The following SRL variants were observed in gnomAD, a reference collection of about 807,000 sequenced individuals.
SRL encodes the protein sarcalumenin.
Under a neutral mutation model 39.5 loss-of-function variants are expected in SRL, and 23 were observed. The observed-to-expected ratio is 0.58, with a 90% CI of 0.42 to 0.82. The LOEUF is 0.82. SRL is among the 40% of genes least tolerant of loss of function. The pLI, the probability that SRL is intolerant of heterozygous loss-of-function variation, is 0.00. For synonymous variants in SRL, 272 were observed against 237.4 expected, an observed-to-expected ratio of 1.15 and a Z score of -1.34; for missense variants, 592 against 607.8, an observed-to-expected ratio of 0.97 and a Z score of 0.27.
chr16:4,218,325 G>A (rs563942233), intron 1 of SRL, among the ~76,000 whole-genome samples: 1 of 152,314 alleles, frequency 6.6e-6, no homozygotes, highest in South Asian at 2.1e-4. Context: ...CCTTTCCGAA[G>A]GCAGAGGACC....
intron 1 of SRL, among the ~76,000 whole-genome samples, chr16:4,240,725 C>G (rs955847957): frequency 6.6e-6 from 1 of 152,178 alleles, no homozygotes; most frequent in Non-Finnish European, 1.5e-5. Context: ...CAGTGTGTAG[C>G]AGCCCAGCAG....
At chr16:4,239,990 A>G (rs1462705142) in intron 1 of SRL, among the ~76,000 whole-genome samples, 1 of 152,148 alleles carries the variant, frequency 6.6e-6, no homozygotes, top group African/African-American at 2.4e-5. Context: ...GGCACGGGCG[A>G]CGGGTGGTTG....
rs367893360 is a variant in SRL, at chr16:4,203,663, A to G, written c.164-402T>C. Among the ~76,000 whole-genome samples, 18 of 152,150 alleles carry G rather than the reference A, an allele frequency of 1.2e-4. No individual in the cohort carries two copies. In the South Asian group the frequency reaches 1.7e-3, roughly 14 times the overall value. ...CAGCCTCCCAAAGTGCTGGAATTAC[A>G]GACATAAGCCACTGTGCCCGGCCTG... On this transcript the variant is annotated intron_variant, in intron 2 of 5. Transcript: ENST00000399609.
intron 1 of SRL, among the ~76,000 whole-genome samples, chr16:4,208,755 G>GCC (rs151302296): frequency 6.6e-6 from 1 of 152,022 alleles, no homozygotes; most frequent in African/African-American, 2.4e-5. Context: ...GCATTTGCTG[G>GCC]CCCCCCTACC....
rs1397469712 is a variant in SRL, at chr16:4,207,365, C to T, written c.62-2731G>A. 5 of 456,676 alleles carry T rather than the reference C, an allele frequency of 1.1e-5. No homozygotes were observed. In the East Asian group the frequency reaches 3.5e-4, roughly 32 times the overall value. 28.3% of individuals were successfully genotyped at this position (456,676 alleles called of 1,614,324 possible). A position where few individuals can be genotyped will look rare whatever the true frequency, so the allele number is the denominator to read the frequency against. On this transcript the variant is annotated intron_variant, in intron 1 of 5. Coordinates refer to ENST00000399609, the MANE Select transcript of SRL (RefSeq NM_001098814.2). ...CCTCTGCAGCTGGGCCGGGCTCCCC[C>T]TGGTCCTCGGTGCCCTCACTGGCTT...
chr16:4,199,962 GC>G (rs1440442127), intron 3 of SRL, among the ~76,000 whole-genome samples: 2 of 151,830 alleles, frequency 1.3e-5, no homozygotes, highest in African/African-American at 4.9e-5. Context: ...TTCCCAAAGT[GC>G]TGGGATTACA....
chr16:4,222,270 C>A (rs1403057396), intron 1 of SRL, among the ~76,000 whole-genome samples: 1 of 152,202 alleles, frequency 6.6e-6, no homozygotes, highest in Non-Finnish European at 1.5e-5. Context: ...TGTGACATCA[C>A]CCTATGTGAC....
intron 1 of SRL, among the ~76,000 whole-genome samples, chr16:4,227,930 G>A (rs1438944769): frequency 1.3e-5 from 2 of 152,212 alleles, no homozygotes; most frequent in Non-Finnish European, 2.9e-5. Context: ...CAGCTCCTGA[G>A]CAGGAATGTG....
chr16:4,207,305 C>G (rs1230324769), intron 1 of SRL: 1 of 456,868 alleles, frequency 2.2e-6, no homozygotes, highest in South Asian at 1.5e-5. Context: ...TGTCCCCTGC[C>G]TTAACGCTTT....
At chr16:4,237,334 A>G (rs2052724151) in intron 1 of SRL, among the ~76,000 whole-genome samples, 1 of 152,080 alleles carries the variant, frequency 6.6e-6, no homozygotes, top group African/African-American at 2.4e-5. Flanking sequence ...TGGAACCTGT[A>G]AGGGCCCCCT....
chr16:4,218,742 C>T (rs187859890), intron 1 of SRL, among the ~76,000 whole-genome samples: 4 of 152,224 alleles, frequency 2.6e-5, no homozygotes, highest in African/African-American at 9.6e-5. Context: ...CCTGCTCAGC[C>T]GGGGAGGTGT....
Position 4,204,638 on chromosome 16 carries a change from T to C in SRL, c.62-4A>G. 1 of 1,612,478 alleles carries C rather than the reference T, an allele frequency of 6.2e-7. No individual in the cohort carries two copies. Among genetic ancestry groups the C allele is most frequent in the Non-Finnish European group, 8.5e-7 (1 of 1,178,688 alleles). ...TCATTTGCATCCTCCGTCTCTTCTG[T>C]GGAGAGAAGCAGACAGCCAAGTGAG... On this transcript the variant is annotated splice_region_variant and splice_polypyrimidine_tract_variant and intron_variant, in intron 1 of 5. Transcript: ENST00000399609.
chr16:4,208,908 G>A (rs1813135965), intron 1 of SRL, among the ~76,000 whole-genome samples: 1 of 152,204 alleles, frequency 6.6e-6, no homozygotes, highest in African/African-American at 2.4e-5. Flanking sequence ...GGCCCAGGAA[G>A]AGAGAAGAGT....
intron 1 of SRL, among the ~76,000 whole-genome samples, chr16:4,233,866 C>A (rs540224623): frequency 6.6e-5 from 10 of 152,018 alleles, no homozygotes; most frequent in South Asian, 2.1e-4. Context: ...ATCCCTAACC[C>A]GAGTCCATCC....
At chr16:4,227,908 C>G (rs895762057) in intron 1 of SRL, among the ~76,000 whole-genome samples, 3 of 152,166 alleles carry the variant, frequency 2.0e-5, no homozygotes, top group Non-Finnish European at 4.4e-5. Context: ...AAAGATGGAA[C>G]TAACTTCAGG....
At chr16:4,211,760 G>T (rs896056329) in intron 1 of SRL, among the ~76,000 whole-genome samples, 2 of 141,530 alleles carry the variant, frequency 1.4e-5, no homozygotes, top group African/African-American at 5.6e-5. Flanking sequence ...GATGATGATG[G>T]TGATGATGAT....
chr16:4,193,953 T>G (rs2052099893), intron 5 of SRL, among the ~76,000 whole-genome samples: 1 of 150,364 alleles, frequency 6.7e-6, no homozygotes, highest in African/African-American at 2.4e-5. Flanking sequence ...TATAATATTA[T>G]TACTAATATT....
Position 4,190,552 on chromosome 16 carries a change from C to T in SRL, c.*1601G>A, listed in dbSNP as rs561516870. 2 of 398,734 alleles carry T rather than the reference C, an allele frequency of 5.0e-6. No homozygotes were observed. Among genetic ancestry groups the T allele is most frequent in the East Asian group, 7.1e-5 (2 of 28,082 alleles). The allele number at this position is 398,734 out of a possible 1,614,324, so 24.7% of individuals were successfully genotyped here. A position where few individuals can be genotyped will look rare whatever the true frequency, so the allele number is the denominator to read the frequency against. Reference sequence around the variant, plus strand: ...GGTCCTGCCCCTCTGCTCCCCACCACCTGCTGTGGAGCCGTGCATGCTAGC... The same window carrying T: ...GGTCCTGCCCCTCTGCTCCCCACCATCTGCTGTGGAGCCGTGCATGCTAGC... On this transcript the variant is annotated 3_prime_UTR_variant, in exon 6 of 6. Transcript: ENST00000399609.
chr16:4,214,793 A>G (rs893206317), intron 1 of SRL, among the ~76,000 whole-genome samples: 1 of 149,972 alleles, frequency 6.7e-6, no homozygotes, highest in African/African-American at 2.5e-5. Flanking sequence ...TTTTAGACGA[A>G]GTCTCATTCT....
Sources: allele counts gnomAD v4.1 joint callset (sites outside exome capture counted in the v4.1 genomes callset), GRCh38; gene constraint gnomAD v4.1.1; transcripts MANE v1.5; gene names NCBI Gene and HGNC (gene_info 2026-07-23, HGNC 2026-07-21).